Variants in DCAF11 observed in about 807,000 individuals in gnomAD.
DCAF11 encodes DDB1 and CUL4 associated factor 11, also known as DDB1- and CUL4-associated factor 11.
DCAF11 carries 44 observed loss-of-function variants against 76.1 expected under a neutral mutation model. That is an observed-to-expected ratio of 0.58 (90% CI 0.45 to 0.74). DCAF11 has a LOEUF of 0.74. Among genes scored for constraint, DCAF11 ranks in the 30% least tolerant of loss-of-function variants. The probability of loss-of-function intolerance (pLI) is 0.00; values close to 1 mark genes in which losing one functional copy is unlikely to be tolerated. For missense variants in DCAF11, 604 were observed against 709.4 expected (o/e 0.85, Z 1.69); for synonymous variants, 258 against 255.0 (o/e 1.01, Z -0.11).
In DCAF11 at chr14:24,117,605, C is replaced by T. The variant is rs1566591493; in HGVS notation, c.412-63C>T. The T allele has an allele frequency of 8.9e-6, 14 of 1,577,010 alleles. No individual in the cohort carries two copies. The highest frequency in any genetic ancestry group is 1.7e-4 in the Middle Eastern group (1 of 6,000). On this transcript the variant is annotated intron_variant, in intron 4 of 14. Coordinates refer to ENST00000446197, the MANE Select transcript of DCAF11 (RefSeq NM_025230.5). This position sits in a 1 kb window ranked among gnomAD's most constrained non-coding sequence, Gnocchi z 4.3. ...AGAGCAATATCTTTGGAGGAGGGGG[C>T]TTGATATGGCTGAAGTGGCCCTCTA...
chr14:24,123,513 C>T lies in DCAF11; in HGVS notation c.*204C>T. ...TCCTTACGTGCTCACACCCAGTCAG[C>T]TTGGGTCCCTATCTCTGGCCAGAGT... On this transcript the variant is annotated 3_prime_UTR_variant, in exon 15 of 15. Transcript: ENST00000446197. 1 of 721,460 alleles carries T rather than the reference C, an allele frequency of 1.4e-6. No individual in the cohort carries two copies. Among genetic ancestry groups the T allele is most frequent in the South Asian group, 5.0e-5 (1 of 20,106 alleles). The allele number at this position is 721,460 out of a possible 1,614,324, so 44.7% of individuals were successfully genotyped here.
Position 24,119,779 on chromosome 14 carries a change from T to TG in DCAF11, c.980dup (p.Asp328ArgfsTer2). On this transcript the variant is annotated frameshift_variant, in exon 11 of 15. Transcript: ENST00000446197. LOFTEE classifies it high-confidence loss of function. ...ATATAAGCTCCCAAATCCTGTTCTC[T>TG]GGGGGAGATGATGCCATCTGCAAAG... The TG allele has an allele frequency of 6.2e-7, 1 of 1,614,228 alleles. No homozygotes were observed. The highest frequency in any genetic ancestry group is 8.5e-7 in the Non-Finnish European group (1 of 1,180,040).
At chr14:24,119,081 G>C in intron 8 of DCAF11, 64 bp from the exon 9 acceptor site, 2 of 1,606,562 alleles carry the variant, frequency 1.2e-6, no homozygotes, top group South Asian at 2.2e-5. Context: ...ACCGTTGTCA[G>C]ATTTTATGTA....
In DCAF11 at chr14:24,116,985, C is replaced by T. The variant is rs748755162; in HGVS notation, c.224C>T (p.Ser75Leu). 1 of 1,614,136 alleles carries T rather than the reference C, an allele frequency of 6.2e-7. No individual in the cohort carries two copies. Among genetic ancestry groups the T allele is most frequent in the Non-Finnish European group, 8.5e-7 (1 of 1,180,026 alleles). ...NLQFIQALLD[S>L]EEENDRAWDG... Reference sequence around the variant, plus strand: ...CAATTCATTCAGGCCCTCTTGGACTCAGAGGAAGAGAATGACAGAGCTTGG... The same window carrying T: ...CAATTCATTCAGGCCCTCTTGGACTTAGAGGAAGAGAATGACAGAGCTTGG... The change falls in exon 3 of 15, where the codon TCA (serine) becomes TTA (leucine). Residue 75 changes from serine (S) to leucine (L), a missense_variant. Transcript: ENST00000446197.
Position 24,118,114 on chromosome 14 carries a change from T to A in DCAF11, c.536T>A (p.Ile179Asn). Residue 179 changes from isoleucine to asparagine, a missense_variant, in exon 6 of 15, where the codon ATC becomes AAC. Transcript: ENST00000446197. ...TACTCTCAGAAGGCTTTCTGTGGCA[T>A]CTACAGCAAAGATGGTCAAATATTC... is the stretch of plus-strand genomic sequence containing the variant. Reference protein sequence around the residue: ...DSYSQKAFCGIYSKDGQIFMS... With the variant: ...DSYSQKAFCGNYSKDGQIFMS... The A allele has an allele frequency of 6.2e-7, 1 of 1,613,272 alleles. No homozygotes were observed. Among genetic ancestry groups the A allele is most frequent in the Non-Finnish European group, 8.5e-7 (1 of 1,179,776 alleles).
rs1354076461 is a variant in DCAF11 at position 24,114,869 on chromosome 14, C to T, written c.-638C>T. The T allele has an allele frequency of 1.0e-6, 1 of 985,822 alleles. No individual in the cohort carries two copies. Among genetic ancestry groups the T allele is most frequent in the Non-Finnish European group, 1.2e-6 (1 of 829,960 alleles). The allele number at this position is 985,822 out of a possible 1,614,324, so 61.1% of individuals were successfully genotyped here. A position where few individuals can be genotyped will look rare whatever the true frequency, so the allele number is the denominator to read the frequency against. ...GAGCGGTTGGCCAACGCAGTGGCGG[C>T]AGTCGGTGTAAACAAGGCCTCGCGC... On this transcript the variant is annotated 5_prime_UTR_variant, in exon 1 of 15. Coordinates refer to ENST00000446197, the MANE Select transcript of DCAF11 (RefSeq NM_025230.5).
At chr14:24,123,121 T>C in intron 14 of DCAF11, 44 bp downstream of exon 14, 1 of 1,614,116 alleles carries the variant, frequency 6.2e-7, no homozygotes, top group Non-Finnish European at 8.5e-7. Flanking sequence ...GTCTGGGGCT[T>C]GGACTTGGGT....
At chr14:24,119,486 C>G (rs2139017721) in intron 9 of DCAF11, 73 bp from the exon 10 acceptor site, 4 of 1,564,254 alleles carry the variant, frequency 2.6e-6, no homozygotes, top group Non-Finnish European at 3.5e-6. Flanking sequence ...CTCAGTGGAA[C>G]TCTCTAGAGC....
At chr14:24,115,788 C>A in intron 2 of DCAF11, 39 bp downstream of exon 2, 2 of 1,596,104 alleles carry the variant, frequency 1.3e-6, no homozygotes, top group Non-Finnish European at 1.7e-6. Flanking sequence ...CAGGTGCTAC[C>A]ACAGTGCCTT....
Position 24,124,101 on chromosome 14 carries a change from A to AAACAC in DCAF11, c.*794_*798dup, listed in dbSNP as rs1414639495. The AAACAC allele has an allele frequency of 7.9e-5, 12 of 152,274 alleles. No individual in the cohort carries two copies. The highest frequency in any genetic ancestry group is 2.6e-4 in the Admixed American group (4 of 15,286). 9.4% of individuals were successfully genotyped at this position (152,274 alleles called of 1,614,324 possible). ...GGTCTTTCATCTCCTCACTTCAGGA[A>AAACAC]AACACAGTTCAGCAAAGTCTTCAGA... On this transcript the variant is annotated 3_prime_UTR_variant, in exon 15 of 15. Transcript: ENST00000446197.
chr14:24,121,036 G>T, intron 12 of DCAF11, 45 bp downstream of exon 12: 1 of 1,606,590 alleles, frequency 6.2e-7, no homozygotes, highest in Non-Finnish European at 8.5e-7. Context: ...TGTAGCCTGG[G>T]AGCCCTGGAG....
In DCAF11 at chr14:24,115,620, C is replaced by T. The variant is rs1371572331; in HGVS notation, c.26C>T (p.Ala9Val). ...ATGGGATCGCGGAACAGCAGCAGTGCAGGATCCGGGTCCGGAGACCCCTCC... is the reference window on the plus strand; with the variant it reads ...ATGGGATCGCGGAACAGCAGCAGTGTAGGATCCGGGTCCGGAGACCCCTCC... MGSRNSSS[A>V]GSGSGDPSEG... is the part of the protein sequence containing the mutation. The change falls in exon 2 of 15, where the codon GCA becomes GTA. Residue 9 changes from alanine to valine, a missense_variant. Ala to Val is a moderately conservative substitution (Grantham distance 64, BLOSUM62 0). Transcript: ENST00000446197. The T allele has an allele frequency of 1.2e-6, 2 of 1,613,458 alleles. No individual in the cohort carries two copies. The highest frequency in any genetic ancestry group is 3.3e-5 in the Admixed American group (2 of 59,940).
intron 13 of DCAF11, chr14:24,122,122 C>T (rs1278986392): frequency 6.8e-6 from 1 of 147,502 alleles, no homozygotes; most frequent in Non-Finnish European, 1.5e-5. Context: ...TGTGCCACCG[C>T]ACTTCAGCCT....
Position 24,117,146 on chromosome 14 carries a change from G to A in DCAF11, c.283+102G>A. 6.2e-7 allele frequency: 1 copy of A among 1,606,564 alleles called. No individual in the cohort carries two copies. The highest frequency in any genetic ancestry group is 2.2e-5 in the East Asian group (1 of 44,792). ...TTGAAAGAAGGTACGATAATTTAAG[G>A]AATAAGGAGTCCTTACAGCCCCAGT... On this transcript the variant is annotated intron_variant, in intron 3 of 14. Coordinates refer to ENST00000446197, the MANE Select transcript of DCAF11 (RefSeq NM_025230.5). This position sits in a 1 kb window ranked among gnomAD's most constrained non-coding sequence, Gnocchi z 4.3.
chr14:24,117,784 C>T lies in DCAF11; in HGVS notation c.476+52C>T, dbSNP rs2037610912. 2 of 1,577,456 alleles carry T rather than the reference C, an allele frequency of 1.3e-6. No homozygotes were observed. Among genetic ancestry groups the T allele is most frequent in the African/African-American group, 1.4e-5 (1 of 73,924 alleles). The stretch of plus-strand genomic sequence containing the variant: ...TCTAAGGGCCAGATAGGTCTTATCT[C>T]CTAAACTTTGAAGGGGTAGGTGTTA... On this transcript the variant is annotated intron_variant, in intron 5 of 14. Coordinates refer to ENST00000446197, the MANE Select transcript of DCAF11 (RefSeq NM_025230.5). This position sits in a 1 kb window ranked among gnomAD's most constrained non-coding sequence, Gnocchi z 4.3.
Position 24,123,352 on chromosome 14 carries a change from T to C in DCAF11, c.*43T>C. 6.7e-7 allele frequency: 1 copy of C among 1,501,744 alleles called. No individual in the cohort carries two copies. Among genetic ancestry groups the C allele is most frequent in the Non-Finnish European group, 8.9e-7 (1 of 1,124,726 alleles). The allele number at this position is 1,501,744 out of a possible 1,614,324, so 93.0% of individuals were successfully genotyped here. ...ATATAGGGTGAACCTCTTGATAAGC[T>C]CTCTGCCTCCTCCTCCCTTTCTCCC... On this transcript the variant is annotated 3_prime_UTR_variant, in exon 15 of 15. Coordinates refer to ENST00000446197, the MANE Select transcript of DCAF11 (RefSeq NM_025230.5).
chr14:24,123,412 G>A lies in DCAF11; in HGVS notation c.*103G>A. 6.8e-7 allele frequency: 1 copy of A among 1,468,430 alleles called. No homozygotes were observed. The highest frequency in any genetic ancestry group is 9.0e-7 in the Non-Finnish European group (1 of 1,106,566). 91.0% of individuals were successfully genotyped at this position (1,468,430 alleles called of 1,614,324 possible). ...ATGTTTGGAGGAATCACTGGCATTTGATGGGGAATAACATAAGCCTGGGCT... is the reference window on the plus strand; with the variant it reads ...ATGTTTGGAGGAATCACTGGCATTTAATGGGGAATAACATAAGCCTGGGCT... On this transcript the variant is annotated 3_prime_UTR_variant, in exon 15 of 15. Transcript: ENST00000446197.
Position 24,117,866 on chromosome 14 carries a change from A to C in DCAF11, c.476+134A>C. 3 of 1,038,870 alleles carry C rather than the reference A, an allele frequency of 2.9e-6. No homozygotes were observed. Among genetic ancestry groups the C allele is most frequent in the Non-Finnish European group, 4.2e-6 (3 of 705,980 alleles). The allele number at this position is 1,038,870 out of a possible 1,614,324, so 64.4% of individuals were successfully genotyped here. A position where few individuals can be genotyped will look rare whatever the true frequency, so the allele number is the denominator to read the frequency against. On this transcript the variant is annotated intron_variant, in intron 5 of 14. Coordinates refer to ENST00000446197, the MANE Select transcript of DCAF11 (RefSeq NM_025230.5). The surrounding 1 kb of genome is among the most constrained non-coding windows in gnomAD (Gnocchi z 4.3). ...AAATGGGGTTGAAACTTTGAGAGTA[A>C]ACAAAGTAGAAAAGTGTAGAAAATT...
In DCAF11 at chr14:24,118,422, C is replaced by T. The variant is rs757202262; in HGVS notation, c.612C>T (p.Gly204=). 6.2e-7 allele frequency: 1 copy of T among 1,614,210 alleles called. No homozygotes were observed. The highest frequency in any genetic ancestry group is 1.1e-5 in the South Asian group (1 of 91,088). ...QTIRLYDCRY[G]RFRKFKSIKA... ...TCCGACTCTATGACTGCCGATATGG[C>T]CGTTTCCGTAAATTCAAGAGCATCA... The change falls in exon 7 of 15, where the codon GGC becomes GGT. Residue 204 remains glycine, a synonymous_variant. Coordinates refer to ENST00000446197, the MANE Select transcript of DCAF11 (RefSeq NM_025230.5).
Sources: gnomAD v4.1 joint callset for allele counts on GRCh38, gnomAD v4.1.1 for gene constraint, Gnocchi (gnomAD v3.1) non-coding constraint, MANE v1.5 for transcripts, NCBI Gene and HGNC (gene_info 2026-07-23, HGNC 2026-07-21) for gene names.